Variants in REEP5 observed in about 807,000 individuals in gnomAD.
REEP5 encodes the protein receptor accessory protein 5.
In REEP5, 24 loss-of-function variants were observed where a neutral mutation model predicts 22.4. The ratio of observed to expected loss-of-function variants is 1.07; its 90% CI spans 0.78 to 1.51. REEP5 has a LOEUF of 1.51. Among genes scored for constraint, REEP5 ranks in the 40% most tolerant of loss-of-function variants. The probability of loss-of-function intolerance (pLI) is 0.00; values close to 1 mark genes in which losing one functional copy is unlikely to be tolerated. For missense variants in REEP5, 252 were observed against 233.0 expected, an observed-to-expected ratio of 1.08 and a Z score of -0.53; for synonymous variants, 103 against 88.6, an observed-to-expected ratio of 1.16 and a Z score of -0.92.
Position 112,906,048 on chromosome 5 carries a change from G to A in REEP5, c.213-3530C>T, listed in dbSNP as rs112015221. Among the ~76,000 whole-genome samples the A allele has an allele frequency of 2.2e-3, 335 of 152,318 alleles. 2 individuals are homozygous for A. Among genetic ancestry groups the A allele is most frequent in the African/African-American group, 7.7e-3 (322 of 41,576 alleles). On this transcript the variant is annotated intron_variant, in intron 2 of 4. Coordinates refer to ENST00000379638, the MANE Select transcript of REEP5 (RefSeq NM_005669.5). ...TTCCAACTTGGTGTATCAGAATAAAGAGGTAGCAATTTAGGCAACACAGAG... is the reference window on the plus strand; with the variant it reads ...TTCCAACTTGGTGTATCAGAATAAAAAGGTAGCAATTTAGGCAACACAGAG...
chr5:112,885,290 C>T, intron 4 of REEP5: 1 of 172,940 alleles, frequency 5.8e-6, no homozygotes, highest in Non-Finnish European at 1.3e-5. Context: ...AGAAAGCAAG[C>T]TCAAATGAGT....
intron 3 of REEP5, chr5:112,891,981 AC>A (rs1347577988): frequency 6.4e-6 from 8 of 1,242,980 alleles, no homozygotes; most frequent in Non-Finnish European, 9.5e-6. Context: ...AGTTAAAGGA[AC>A]AATGGAAAGA....
At chr5:112,901,413 G>C (rs1580746590) in intron 3 of REEP5, among the ~76,000 whole-genome samples, 1 of 152,124 alleles carries the variant, frequency 6.6e-6, no homozygotes, top group African/African-American at 2.4e-5. Context: ...TTGAAAATTA[G>C]ATGGTCAGAT....
At chr5:112,912,971 A>C (rs1053921719) in intron 2 of REEP5, among the ~76,000 whole-genome samples, 1 of 152,244 alleles carries the variant, frequency 6.6e-6, no homozygotes, top group African/African-American at 2.4e-5. Flanking sequence ...ATGTGCTTTT[A>C]AAGCAAGAGA....
intron 2 of REEP5, among the ~76,000 whole-genome samples, chr5:112,907,225 T>G (rs1768975680): frequency 1.3e-5 from 2 of 152,206 alleles, no homozygotes; most frequent in South Asian, 4.1e-4. Flanking sequence ...TCCACAGGCC[T>G]GGTCCACTCT....
chr5:112,887,672 G>A (rs1768302457), intron 3 of REEP5, among the ~76,000 whole-genome samples: 1 of 152,038 alleles, frequency 6.6e-6, no homozygotes, highest in South Asian at 2.1e-4. Context: ...TCCTTTGGTG[G>A]ACCTCAGTTT....
At chr5:112,904,869 A>T (rs972429564) in intron 2 of REEP5, among the ~76,000 whole-genome samples, 1 of 152,170 alleles carries the variant, frequency 6.6e-6, no homozygotes, top group Non-Finnish European at 1.5e-5. Flanking sequence ...TATGAATTCT[A>T]AAGTCCCCAT....
chr5:112,887,312 G>A, intron 3 of REEP5, 129 bp from the exon 4 acceptor site: 1 of 832,698 alleles, frequency 1.2e-6, no homozygotes, highest in South Asian at 4.2e-5. Context: ...CATTACCAGT[G>A]TTTTCTGCAG....
chr5:112,878,488 ATAATTT>A lies in REEP5; in HGVS notation c.*292_*297del. On this transcript the variant is annotated 3_prime_UTR_variant, in exon 5 of 5. Coordinates refer to ENST00000379638, the MANE Select transcript of REEP5 (RefSeq NM_005669.5). The stretch of plus-strand genomic sequence containing the variant: ...GTAAAGTACACAGCCTGTGGGGTAT[ATAATTT>A]TATTTTAAGTTTATATTTCCTGCAG... The A allele has an allele frequency of 2.7e-6, 1 of 376,528 alleles. No individual in the cohort carries two copies. The highest frequency in any genetic ancestry group is 4.7e-6 in the Non-Finnish European group (1 of 211,006). 23.3% of individuals were successfully genotyped at this position (376,528 alleles called of 1,614,324 possible). A position where few individuals can be genotyped will look rare whatever the true frequency, so the allele number is the denominator to read the frequency against.
rs1412753793 is a variant in REEP5 at position 112,877,081 on chromosome 5, T to C, written c.*1705A>G. On this transcript the variant is annotated 3_prime_UTR_variant, in exon 5 of 5. Transcript: ENST00000379638. ...ACTTAAAATTTTTTTAATCTAAAAG[T>C]TGATTTTCTCCCAAGAACAATTTTG... The C allele has an allele frequency of 6.6e-6, 1 of 152,178 alleles. No individual in the cohort carries two copies. Among genetic ancestry groups the C allele is most frequent in the Non-Finnish European group, 1.5e-5 (1 of 68,016 alleles). The allele number at this position is 152,178 out of a possible 1,614,324, so 9.4% of individuals were successfully genotyped here.
intron 3 of REEP5, chr5:112,896,633 C>A (rs1768687841): frequency 6.6e-6 from 1 of 152,030 alleles, no homozygotes; most frequent in Non-Finnish European, 1.5e-5. Context: ...GTTTACTCAA[C>A]CTTGTTCTAA....
intron 4 of REEP5, among the ~76,000 whole-genome samples, chr5:112,879,387 C>G (rs761853398): frequency 6.6e-6 from 1 of 152,004 alleles, no homozygotes; most frequent in African/African-American, 2.4e-5. Context: ...CCTACAGATA[C>G]CAAAATCTGT....
chr5:112,891,965 A>G (rs748197210), intron 3 of REEP5: 1 of 1,240,784 alleles, frequency 8.1e-7, no homozygotes, highest in South Asian at 1.2e-5. Flanking sequence ...GAAGAACAAG[A>G]GAGAAAGTTA....
At chr5:112,895,329 G>A (rs1191434688) in intron 3 of REEP5, 1 of 151,420 alleles carries the variant, frequency 6.6e-6, no homozygotes, top group Non-Finnish European at 1.5e-5. Context: ...CTTCTGCAGA[G>A]TTTTAGGAAA....
rs1171341126 is a variant in REEP5 at position 112,895,228 on chromosome 5, ACT to A, written c.351+7150_351+7151del. 5 of 70,612 alleles carry A rather than the reference ACT, an allele frequency of 7.1e-5. No individual in the cohort carries two copies. In the East Asian group the frequency reaches 2.4e-3, roughly 34 times the overall value. 4.4% of individuals were successfully genotyped at this position (70,612 alleles called of 1,614,324 possible). On this transcript the variant is annotated intron_variant, in intron 3 of 4. Coordinates refer to ENST00000379638, the MANE Select transcript of REEP5 (RefSeq NM_005669.5). ...CACTCCAGCCTGGCGACAGAGCGAG[ACT>A]CTGTCTCAAAAAAAAAAAAAAAAAA...
At chr5:112,908,527 T>A (rs993394945) in intron 2 of REEP5, among the ~76,000 whole-genome samples, 5 of 151,550 alleles carry the variant, frequency 3.3e-5, no homozygotes, top group African/African-American at 1.2e-4. Flanking sequence ...AGAAAACAGC[T>A]AATAATTTTT....
At chr5:112,885,745 C>G in intron 4 of REEP5, 1 of 281,528 alleles carries the variant, frequency 3.6e-6, no homozygotes, top group Non-Finnish European at 7.4e-6. Flanking sequence ...TATTAATGAA[C>G]TAATTAATTT....
At chr5:112,913,532 T>C (rs994803147) in intron 2 of REEP5, among the ~76,000 whole-genome samples, 1 of 93,138 alleles carries the variant, frequency 1.1e-5, no homozygotes, top group Non-Finnish European at 2.0e-5. Context: ...AGTATGACCC[T>C]GGCTAAAAAA....
chr5:112,914,320 C>T (rs1261752559), intron 2 of REEP5, among the ~76,000 whole-genome samples: 1 of 151,404 alleles, frequency 6.6e-6, no homozygotes, highest in Non-Finnish European at 1.5e-5. Context: ...ATCAACACAG[C>T]TCACCACAGC....
Sources: gnomAD v4.1 joint callset for allele counts (sites outside exome capture counted in the v4.1 genomes callset) on GRCh38, gnomAD v4.1.1 for gene constraint, MANE v1.5 for transcripts, NCBI Gene and HGNC (gene_info 2026-07-23, HGNC 2026-07-21) for gene names.